The following RABGAP1L variants were observed in gnomAD, a reference collection of about 807,000 sequenced individuals.
RABGAP1L encodes the protein RAB GTPase activating protein 1 like.
Under a neutral mutation model 137.7 loss-of-function variants are expected in RABGAP1L, and 63 were observed. The ratio of observed to expected loss-of-function variants is 0.46; its 90% CI spans 0.37 to 0.56. The LOEUF (loss-of-function observed/expected upper bound fraction) is 0.56, where lower values mean the gene tolerates loss of function less well. Ranked by LOEUF, RABGAP1L falls within the 20% of genes least tolerant of loss-of-function variation. RABGAP1L has a pLI of 0.00. For missense variants in RABGAP1L, 1,095 were observed against 1,244.0 expected, an observed-to-expected ratio of 0.88 and a Z score of 1.80; for synonymous variants, 431 against 433.7, an observed-to-expected ratio of 0.99 and a Z score of 0.08.
intron 19 of RABGAP1L, among the ~76,000 whole-genome samples, chr1:174,902,400 C>A (rs1466291559): frequency 6.6e-6 from 1 of 152,222 alleles, no homozygotes; most frequent in Non-Finnish European, 1.5e-5. Context: ...CCACGCCAGT[C>A]GGTCTTAACT....
At chr1:174,561,368 C>T (rs367759166) in intron 13 of RABGAP1L, among the ~76,000 whole-genome samples, 23 of 152,272 alleles carry the variant, frequency 1.5e-4, no homozygotes, top group African/African-American at 5.5e-4. Flanking sequence ...AGGACACAAA[C>T]AAATGGAAAG....
chr1:174,893,131 GC>G, intron 19 of RABGAP1L: 1 of 318,698 alleles, frequency 3.1e-6, no homozygotes. Context: ...TCATTGTGCG[GC>G]CCTGTGTGCA....
intron 17 of RABGAP1L, among the ~76,000 whole-genome samples, chr1:174,732,200 C>CA (rs555763731): frequency 0.19 from 22,539 of 119,920 alleles, 1,777 homozygotes; most frequent in African/African-American, 0.26. Context: ...CCCATCCCCC[C>CA]CAAAAAAAAA....
In RABGAP1L at chr1:174,625,397, A is replaced by C. The variant is rs146353512; in HGVS notation, c.1711-11978A>C. ...GTACTATTCAGCAAACAGAAAGCTT[A>C]ATTTTTATATACGTTCACTTTTTGT... On this transcript the variant is annotated intron_variant, in intron 13 of 25. Coordinates refer to ENST00000681986, the MANE Select transcript of RABGAP1L (RefSeq NM_001366446.1). Among the ~76,000 whole-genome samples, 31 of 152,232 alleles carry C rather than the reference A, an allele frequency of 2.0e-4. No homozygotes were observed. In the East Asian group the frequency reaches 5.8e-3, roughly 29 times the overall value.
intron 13 of RABGAP1L, among the ~76,000 whole-genome samples, chr1:174,550,034 C>T (rs930561355): frequency 6.6e-6 from 1 of 151,916 alleles, no homozygotes; most frequent in Non-Finnish European, 1.5e-5. Flanking sequence ...ATAGTGAAAC[C>T]CCATCTCTAA....
At chr1:174,849,791 A>G in intron 19 of RABGAP1L, 1 of 537,004 alleles carries the variant, frequency 1.9e-6, no homozygotes, top group Non-Finnish European at 3.8e-6. Flanking sequence ...GATAAAGTTT[A>G]TGATTATTGA....
At chr1:174,677,786 T>G (rs933572713) in intron 14 of RABGAP1L, among the ~76,000 whole-genome samples, 2 of 152,224 alleles carry the variant, frequency 1.3e-5, no homozygotes, top group Non-Finnish European at 2.9e-5. Flanking sequence ...AAGAAATTAC[T>G]GGCAAGTTTA....
At chr1:174,405,364 GAGTC>G (rs1439619209) in intron 13 of RABGAP1L, among the ~76,000 whole-genome samples, 1 of 152,024 alleles carries the variant, frequency 6.6e-6, no homozygotes, top group Non-Finnish European at 1.5e-5. Context: ...ATTTTATTGA[GAGTC>G]AGAGCATCGC....
intron 7 of RABGAP1L, among the ~76,000 whole-genome samples, chr1:174,263,484 T>C (rs1400928834): frequency 6.6e-6 from 1 of 152,182 alleles, no homozygotes; most frequent in Non-Finnish European, 1.5e-5. Context: ...ACTTACAGTA[T>C]CTAATTGAAT....
At chr1:174,227,199 C>CTT (rs71117559) in intron 3 of RABGAP1L, among the ~76,000 whole-genome samples, 21 of 133,804 alleles carry the variant, frequency 1.6e-4, no homozygotes, top group Admixed American at 2.3e-4. Context: ...TGACCATTTA[C>CTT]TTTTTTTTTT....
At chr1:174,357,758 T>G (rs1436477270) in intron 11 of RABGAP1L, among the ~76,000 whole-genome samples, 1 of 152,232 alleles carries the variant, frequency 6.6e-6, no homozygotes, top group Non-Finnish European at 1.5e-5. Context: ...ATTTCCTGAG[T>G]TGGGTAAAGA....
intron 19 of RABGAP1L, among the ~76,000 whole-genome samples, chr1:174,948,516 A>G (rs1667235645): frequency 6.6e-6 from 1 of 151,064 alleles, no homozygotes; most frequent in Non-Finnish European, 1.5e-5. Flanking sequence ...CCTCAAAAAA[A>G]AAAAAAAAAA....
chr1:174,854,704 C>G (rs1648952586), intron 19 of RABGAP1L, among the ~76,000 whole-genome samples: 1 of 109,022 alleles, frequency 9.2e-6, no homozygotes, highest in Admixed American at 1.1e-4. Flanking sequence ...GCAATAGACT[C>G]AATATAAATG....
At chr1:174,241,138 G>A (rs1671787415) in intron 4 of RABGAP1L, among the ~76,000 whole-genome samples, 1 of 152,126 alleles carries the variant, frequency 6.6e-6, no homozygotes, top group Non-Finnish European at 1.5e-5. Context: ...TGGCTAACAT[G>A]GCAAAACCCT....
At chr1:174,814,090 G>T (rs1690139907) in intron 19 of RABGAP1L, among the ~76,000 whole-genome samples, 1 of 152,076 alleles carries the variant, frequency 6.6e-6, no homozygotes, top group Non-Finnish European at 1.5e-5. Context: ...GAAGTTCCTG[G>T]AGGTGGCTAG....
intron 19 of RABGAP1L, among the ~76,000 whole-genome samples, chr1:174,824,268 C>A (rs572887864): frequency 6.6e-6 from 1 of 151,628 alleles, no homozygotes; most frequent in African/African-American, 2.4e-5. Flanking sequence ...CCAGCCTGGG[C>A]GAAAGAGTAA....
intron 11 of RABGAP1L, among the ~76,000 whole-genome samples, chr1:174,320,502 G>A (rs1679858579): frequency 6.6e-6 from 1 of 152,136 alleles, no homozygotes; most frequent in African/African-American, 2.4e-5. Flanking sequence ...GTTATTTCTA[G>A]CTACTGGCTA....
intron 13 of RABGAP1L, among the ~76,000 whole-genome samples, chr1:174,614,467 C>G (rs557829509): frequency 6.6e-6 from 1 of 152,290 alleles, no homozygotes; most frequent in Admixed American, 6.5e-5. Context: ...TGATGGGCTT[C>G]CCTTTGTGGG....
At chr1:174,357,300 A>G (rs1295042243) in intron 11 of RABGAP1L, among the ~76,000 whole-genome samples, 1 of 152,116 alleles carries the variant, frequency 6.6e-6, no homozygotes, top group Non-Finnish European at 1.5e-5. Flanking sequence ...ACATCCCCAA[A>G]TCTGGGCACT....
Sources: gnomAD v4.1 joint callset for allele counts (sites outside exome capture counted in the v4.1 genomes callset) on GRCh38, gnomAD v4.1.1 for gene constraint, MANE v1.5 for transcripts, NCBI Gene and HGNC (gene_info 2026-07-23, HGNC 2026-07-21) for gene names.